The following MAPT variants were observed in gnomAD, a reference collection of about 807,000 sequenced individuals.
The protein encoded by MAPT is microtubule associated protein tau.
Under a neutral mutation model 67.9 loss-of-function variants are expected in MAPT, and 34 were observed. The observed-to-expected ratio is 0.50, with a 90% CI of 0.38 to 0.67. The LOEUF is 0.67. Among genes scored for constraint, MAPT ranks in the 30% least tolerant of loss-of-function variants. MAPT has a pLI of 0.00. For missense variants in MAPT, 881 were observed against 1,115.2 expected (o/e 0.79, Z 2.99); for synonymous variants, 456 against 464.5 (o/e 0.98, Z 0.23).
intron 1 of MAPT, among the ~76,000 whole-genome samples, chr17:45,959,065 A>G (rs1036731363): frequency 6.6e-6 from 1 of 152,216 alleles, no homozygotes; most frequent in Non-Finnish European, 1.5e-5. Flanking sequence ...TCTGTCCCAG[A>G]AAAAATTAAA....
chr17:45,902,296 T>C (rs1326632147), intron 1 of MAPT, among the ~76,000 whole-genome samples: 6 of 152,130 alleles, frequency 3.9e-5, no homozygotes, highest in Non-Finnish European at 2.9e-5. Context: ...GTCCCGAACT[T>C]CTGACCCAAG....
chr17:45,983,297 G>A lies in MAPT; in HGVS notation c.718G>A (p.Glu240Lys). The A allele has an allele frequency of 1.3e-6, 2 of 1,599,644 alleles. No homozygotes were observed. Among genetic ancestry groups the A allele is most frequent in the East Asian group, 2.3e-5 (1 of 44,306 alleles). The change falls in exon 5 of 13, where the codon GAG (glutamate) becomes AAG (lysine). Residue 240 changes from glutamate to lysine, a missense_variant. Around this residue, in one of 6 missense-constraint regions of MAPT, gnomAD observed 687 missense variants for 766.1 expected, o/e 0.90. Coordinates refer to ENST00000262410, the MANE Select transcript of MAPT (RefSeq NM_001377265.1). ...TCCCCTCCTGCCTGAGGGCCCCAGA[G>A]AGGCCACACGCCAACCTTCGGGGAC... ...GAPLLPEGPR[E>K]ATRQPSGTGP...
In MAPT at chr17:46,024,432, C is replaced by T; in HGVS notation, c.*261C>T. On this transcript the variant is annotated 3_prime_UTR_variant, in exon 13 of 13. Transcript: ENST00000262410. ...ATATTTAAAAAAAAACATTCAAAAA[C>T]ATGGCCACATCCAACATTTCCTCAG... is the stretch of plus-strand genomic sequence containing the variant. 1.8e-6 allele frequency: 1 copy of T among 567,348 alleles called. No homozygotes were observed. Among genetic ancestry groups the T allele is most frequent in the South Asian group, 2.1e-5 (1 of 47,892 alleles). 35.1% of individuals were successfully genotyped at this position (567,348 alleles called of 1,614,324 possible). A position where few individuals can be genotyped will look rare whatever the true frequency, so the allele number is the denominator to read the frequency against.
chr17:45,909,372 G>A (rs1193025044), intron 1 of MAPT, among the ~76,000 whole-genome samples: 1 of 152,168 alleles, frequency 6.6e-6, no homozygotes, highest in Admixed American at 6.5e-5. Flanking sequence ...GAACACTTGG[G>A]ACTACCTGGC....
chr17:45,901,173 T>C (rs2063586271), intron 1 of MAPT, among the ~76,000 whole-genome samples: 1 of 152,088 alleles, frequency 6.6e-6, no homozygotes, highest in Non-Finnish European at 1.5e-5. Flanking sequence ...CAAGCGGAGA[T>C]TTGTCATCTG....
intron 1 of MAPT, among the ~76,000 whole-genome samples, chr17:45,903,967 TA>T (rs2063898785): frequency 1.1e-4 from 2 of 18,880 alleles, no homozygotes; most frequent in South Asian, 1.8e-3. Context: ...TATTATATAT[TA>T]TATATTATAT....
At chr17:46,014,746 C>T (rs374811220) in intron 11 of MAPT, among the ~76,000 whole-genome samples, 4 of 151,984 alleles carry the variant, frequency 2.6e-5, no homozygotes, top group East Asian at 1.9e-4. Context: ...TGGTGGTGGG[C>T]GCCTGTAGTC....
intron 1 of MAPT, among the ~76,000 whole-genome samples, chr17:45,938,626 A>C (rs2067572133): frequency 6.6e-6 from 1 of 151,560 alleles, no homozygotes; most frequent in South Asian, 2.1e-4. Flanking sequence ...TTACATGAAA[A>C]TTCATTTTTT....
intron 8 of MAPT, among the ~76,000 whole-genome samples, chr17:45,993,105 G>A (rs1287692591): frequency 6.6e-6 from 1 of 152,140 alleles, no homozygotes; most frequent in Non-Finnish European, 1.5e-5. Flanking sequence ...AGCCTGGCCT[G>A]GATCTTGGAT....
chr17:45,969,259 AG>A (rs2071394141), intron 2 of MAPT: 1 of 152,256 alleles, frequency 6.6e-6, no homozygotes. Context: ...CTGGGCATGC[AG>A]TGCCAGGCAC....
chr17:45,947,107 T>C lies in MAPT; in HGVS notation c.-17-15214T>C, dbSNP rs547316989. The stretch of plus-strand genomic sequence containing the variant: ...TTCATTAGTAGTAGTTCAATTTGGT[T>C]CCAGAACATTCTGTGGTGTGATGCA... On this transcript the variant is annotated intron_variant, in intron 1 of 12. Transcript: ENST00000262410. 3.2e-4 allele frequency among the ~76,000 whole-genome samples: 48 copies of C among 152,224 alleles called. 1 individual carries two copies. Among genetic ancestry groups the C allele is most frequent in the Non-Finnish European group, 5.6e-4 (38 of 68,014 alleles).
chr17:45,996,258 G>A lies in MAPT; in HGVS notation c.1733-141G>A, dbSNP rs1043640789. 1.1e-6 allele frequency: 1 copy of A among 870,692 alleles called. No individual in the cohort carries two copies. The highest frequency in any genetic ancestry group is 1.9e-6 in the Non-Finnish European group (1 of 533,478). The allele number at this position is 870,692 out of a possible 1,614,324, so 53.9% of individuals were successfully genotyped here. A position where few individuals can be genotyped will look rare whatever the true frequency, so the allele number is the denominator to read the frequency against. ...TGCTTCCCCAGGGCAGCCGTCTGCT[G>A]TAGCTGCGCTTCCAACCTGGCTTCC... is the stretch of plus-strand genomic sequence containing the variant. On this transcript the variant is annotated intron_variant, in intron 8 of 12. Coordinates refer to ENST00000262410, the MANE Select transcript of MAPT (RefSeq NM_001377265.1). The surrounding 1 kb of genome is among the most constrained non-coding windows in gnomAD (Gnocchi z 4.5).
rs1027965755 is a variant in MAPT, at chr17:45,971,397, G to A, written c.134-462G>A. Among the ~76,000 whole-genome samples, 9 of 152,198 alleles carry A rather than the reference G, an allele frequency of 5.9e-5. No individual in the cohort carries two copies. The highest frequency in any genetic ancestry group is 1.2e-4 in the Non-Finnish European group (8 of 68,024). On this transcript the variant is annotated intron_variant, in intron 2 of 12. Coordinates refer to ENST00000262410, the MANE Select transcript of MAPT (RefSeq NM_001377265.1). The surrounding 1 kb of genome is among the most constrained non-coding windows in gnomAD (Gnocchi z 4.3). ...CCACCCAATGTCCACTTAGAAGTAA[G>A]CACCGTGTCTGCCCTGAGCTGACTC...
chr17:46,018,879 G>A (rs2076350417), intron 12 of MAPT, 149 bp downstream of exon 12: 9 of 659,642 alleles, frequency 1.4e-5, no homozygotes, highest in Non-Finnish European at 2.5e-5. Flanking sequence ...AGCATCCAGT[G>A]GGTCTCCACT....
intron 10 of MAPT, among the ~76,000 whole-genome samples, chr17:46,011,404 A>G (rs1277568719): frequency 1.3e-5 from 2 of 152,162 alleles, no homozygotes; most frequent in African/African-American, 4.8e-5. Context: ...TCAAAAAACA[A>G]TCATATAATA....
chr17:46,012,557 C>T (rs965035473), intron 10 of MAPT, among the ~76,000 whole-genome samples: 3 of 152,132 alleles, frequency 2.0e-5, no homozygotes, highest in Non-Finnish European at 2.9e-5. Flanking sequence ...AGCCTCTCCC[C>T]AGCCTGGGGG....
At chr17:45,949,134 G>GAGGA (rs1421712945) in intron 1 of MAPT, among the ~76,000 whole-genome samples, 1 of 152,264 alleles carries the variant, frequency 6.6e-6, no homozygotes, top group Non-Finnish European at 1.5e-5. Flanking sequence ...AAGGGATAAG[G>GAGGA]AGGACCACGC....
Position 46,010,567 on chromosome 17 carries a change from C to A in MAPT, c.2091+165C>A, listed in dbSNP as rs1393023378. Among the ~76,000 whole-genome samples, 1 of 152,196 alleles carries A rather than the reference C, an allele frequency of 6.6e-6. No individual in the cohort carries two copies. Among genetic ancestry groups the A allele is most frequent in the Non-Finnish European group, 1.5e-5 (1 of 68,022 alleles). On this transcript the variant is annotated intron_variant, in intron 10 of 12. Transcript: ENST00000262410. This position sits in a 1 kb window ranked among gnomAD's most constrained non-coding sequence, Gnocchi z 4.7. ...TGTAGCCCGGCTCCCCACATTCCCCCACACGGTCCACTGTTCCCAGAAGCC... is the reference window on the plus strand; with the variant it reads ...TGTAGCCCGGCTCCCCACATTCCCCAACACGGTCCACTGTTCCCAGAAGCC...
intron 3 of MAPT, chr17:45,974,514 C>A: frequency 6.7e-7 from 1 of 1,491,580 alleles, no homozygotes; most frequent in Non-Finnish European, 9.2e-7. Flanking sequence ...CAAGGCCCTG[C>A]TGGGTGCCCC....
Sources: allele counts gnomAD v4.1 joint callset (sites outside exome capture counted in the v4.1 genomes callset), GRCh38; gene constraint gnomAD v4.1.1; regional missense constraint gnomAD v4.1.1; non-coding constraint Gnocchi (gnomAD v3.1); transcripts MANE v1.5; gene names NCBI Gene and HGNC (gene_info 2026-07-23, HGNC 2026-07-21).